The following MIOS variants were observed in gnomAD, a reference collection of about 807,000 sequenced individuals.
MIOS encodes the protein meiosis regulator for oocyte development.
MIOS carries 52 observed loss-of-function variants against 96.9 expected under a neutral mutation model. The ratio of observed to expected loss-of-function variants is 0.54; its 90% CI spans 0.43 to 0.68. The LOEUF is 0.68. MIOS is among the 30% of genes least tolerant of loss of function. The pLI is 0.00. For synonymous variants in MIOS, 397 were observed against 359.5 expected (o/e 1.10, Z -1.18); for missense variants, 1,005 against 1,052.8 (o/e 0.95, Z 0.63).
At position 7,595,110 on chromosome 7, in the gene MIOS, C is replaced by T; in HGVS notation, c.2174C>T (p.Pro725Leu). ...EFDIHRSKLD[P>L]SSKPLAQVFV... ...GATATTCACAGGAGTAAGTTGGATC[C>T]CAGTTCCAAGCCTTTAGCACAAGTA... The change falls in exon 10 of 13, where the codon CCC (proline) becomes CTC (leucine). Residue 725 changes from proline to leucine, a missense_variant. Coordinates refer to ENST00000340080, the MANE Select transcript of MIOS (RefSeq NM_019005.4). 6.2e-7 allele frequency: 1 copy of T among 1,613,194 alleles called. No individual in the cohort carries two copies. Among genetic ancestry groups the T allele is most frequent in the Non-Finnish European group, 8.5e-7 (1 of 1,179,724 alleles).
chr7:7,587,000 T>TGTTGTTG (rs1226667422), intron 7 of MIOS, among the ~76,000 whole-genome samples: 5 of 148,782 alleles, frequency 3.4e-5, no homozygotes, highest in Admixed American at 1.3e-4. Context: ...TTTTTTTTTT[T>TGTTGTTG]TTTTTTTTGT....
chr7:7,579,560 G>T (rs1295961396), intron 5 of MIOS, among the ~76,000 whole-genome samples: 2 of 152,196 alleles, frequency 1.3e-5, no homozygotes, highest in Non-Finnish European at 2.9e-5. Flanking sequence ...CTATAAAGCA[G>T]AGGTGTCCAA....
At chr7:7,589,253 T>G (rs1783978764) in intron 8 of MIOS, 152 bp from the exon 9 acceptor site, 2 of 623,054 alleles carry the variant, frequency 3.2e-6, no homozygotes, top group Non-Finnish European at 2.6e-6. Context: ...TTGTAATAGA[T>G]GCAGACTTCT....
intron 9 of MIOS, among the ~76,000 whole-genome samples, chr7:7,594,273 G>T (rs181006145): frequency 4.4e-4 from 66 of 151,700 alleles, no homozygotes; most frequent in African/African-American, 1.5e-3. Flanking sequence ...CTAACTGTTA[G>T]TTCAGATGTG....
At chr7:7,594,106 G>T (rs1287034238) in intron 9 of MIOS, among the ~76,000 whole-genome samples, 2 of 152,014 alleles carry the variant, frequency 1.3e-5, no homozygotes, top group Non-Finnish European at 2.9e-5. Context: ...ATTTGGTTTG[G>T]TTTTGCTTTT....
chr7:7,582,983 C>T (rs557139149), intron 5 of MIOS, 135 bp from the exon 6 acceptor site: 1 of 993,968 alleles, frequency 1.0e-6, no homozygotes, highest in East Asian at 2.7e-5. Context: ...TGGCATAGTT[C>T]ATATTTACAC....
intron 6 of MIOS, among the ~76,000 whole-genome samples, chr7:7,584,754 AAAAGTC>A (rs1309774055): frequency 6.6e-6 from 1 of 152,146 alleles, no homozygotes; most frequent in East Asian, 1.9e-4. Context: ...GAAAATACTT[AAAAGTC>A]AAAGTTAAAG....
intron 10 of MIOS, 124 bp downstream of exon 10, chr7:7,595,256 G>A: frequency 9.5e-7 from 1 of 1,055,618 alleles, no homozygotes; most frequent in African/African-American, 1.6e-5. Context: ...TTTGTAGACT[G>A]AACTTTGTCC....
intron 11 of MIOS, among the ~76,000 whole-genome samples, chr7:7,603,848 G>A (rs1784448262): frequency 6.6e-6 from 1 of 151,908 alleles, no homozygotes; most frequent in Non-Finnish European, 1.5e-5. Flanking sequence ...TTAAGAAAAT[G>A]TGGCACATAT....
At chr7:7,587,182 G>A (rs901387121) in intron 7 of MIOS, among the ~76,000 whole-genome samples, 4 of 151,814 alleles carry the variant, frequency 2.6e-5, no homozygotes, top group Non-Finnish European at 5.9e-5. Context: ...GCTAATTTTT[G>A]TATTTTTAGT....
chr7:7,597,827 C>T (rs572558665), intron 11 of MIOS, among the ~76,000 whole-genome samples: 116 of 152,096 alleles, frequency 7.6e-4, no homozygotes, highest in African/African-American at 2.8e-3. Flanking sequence ...ATCCTCCCAC[C>T]TCAGCCTCCC....
intron 7 of MIOS, among the ~76,000 whole-genome samples, chr7:7,586,672 A>G (rs972847265): frequency 1.3e-5 from 2 of 152,226 alleles, no homozygotes; most frequent in African/African-American, 4.8e-5. Context: ...GAAATGTTTA[A>G]TAAATGTGTA....
At chr7:7,577,957 A>G (rs1312738864) in intron 5 of MIOS, among the ~76,000 whole-genome samples, 2 of 152,194 alleles carry the variant, frequency 1.3e-5, no homozygotes, top group African/African-American at 2.4e-5. Flanking sequence ...TCTTATTTGG[A>G]TAGAGATGAA....
intron 9 of MIOS, among the ~76,000 whole-genome samples, chr7:7,594,505 G>A (rs1217028220): frequency 6.6e-6 from 1 of 152,128 alleles, no homozygotes; most frequent in Admixed American, 6.5e-5. Flanking sequence ...ATGTTGGCCA[G>A]GCTGGTCTCG....
chr7:7,587,666 A>T (rs1211723907), intron 7 of MIOS, among the ~76,000 whole-genome samples: 2 of 152,284 alleles, frequency 1.3e-5, no homozygotes, highest in East Asian at 3.9e-4. Flanking sequence ...TCTAAGAGTT[A>T]AATCTAGTTA....
At chr7:7,592,586 G>A (rs1487370945) in intron 9 of MIOS, among the ~76,000 whole-genome samples, 1 of 151,960 alleles carries the variant, frequency 6.6e-6, no homozygotes, top group African/African-American at 2.4e-5. Flanking sequence ...GGAGCTCTGA[G>A]GTTATTTTCC....
chr7:7,585,076 T>A (rs1283280175), intron 6 of MIOS, among the ~76,000 whole-genome samples: 2 of 152,148 alleles, frequency 1.3e-5, no homozygotes, highest in Non-Finnish European at 2.9e-5. Context: ...TATTTAGGAA[T>A]AGGAAAATAA....
In MIOS at chr7:7,607,630, A is replaced by G. The variant is rs538250352; in HGVS notation, c.*538A>G. On this transcript the variant is annotated 3_prime_UTR_variant, in exon 13 of 13. Transcript: ENST00000340080. Reference sequence around the variant, plus strand: ...TATTTTTTATTACTGTCTGTTATATATGTGTCTATGTGTGTGTGTATATTT... The same window carrying G: ...TATTTTTTATTACTGTCTGTTATATGTGTGTCTATGTGTGTGTGTATATTT... The G allele has an allele frequency of 1.3e-5, 2 of 152,412 alleles. No individual in the cohort carries two copies. The highest frequency in any genetic ancestry group is 2.4e-5 in the African/African-American group (1 of 41,536). 9.4% of individuals were successfully genotyped at this position (152,412 alleles called of 1,614,324 possible).
intron 9 of MIOS, among the ~76,000 whole-genome samples, chr7:7,594,412 A>C (rs1784143588): frequency 1.3e-5 from 2 of 152,056 alleles, no homozygotes; most frequent in Non-Finnish European, 2.9e-5. Context: ...TTCAGGCATC[A>C]ACCTCCCAAG....
Sources: gnomAD v4.1 joint callset for allele counts (sites outside exome capture counted in the v4.1 genomes callset) on GRCh38, gnomAD v4.1.1 for gene constraint, MANE v1.5 for transcripts, NCBI Gene and HGNC (gene_info 2026-07-23, HGNC 2026-07-21) for gene names.